The following TTLL9 variants were observed in gnomAD, a reference collection of about 807,000 sequenced individuals.
TTLL9 encodes tubulin tyrosine ligase like 9.
TTLL9 carries 47 observed loss-of-function variants against 65.6 expected under a neutral mutation model. The observed-to-expected ratio is 0.72, with a 90% confidence interval of 0.57 to 0.91. The LOEUF (loss-of-function observed/expected upper bound fraction) is 0.91. TTLL9 is among the 40% of genes least tolerant of loss of function. The probability of loss-of-function intolerance (pLI) is 0.00; values close to 1 mark genes in which losing one functional copy is unlikely to be tolerated. For synonymous variants in TTLL9, 179 were observed against 204.8 expected (o/e 0.87, Z 1.07); for missense variants, 537 against 568.8 (o/e 0.94, Z 0.57).
At chr20:31,923,811 G>GA (rs2063851297) in intron 8 of TTLL9, among the ~76,000 whole-genome samples, 1 of 151,950 alleles carries the variant, frequency 6.6e-6, no homozygotes, top group Non-Finnish European at 1.5e-5. Context: ...CAGCCCCTGG[G>GA]CCTCTTCTCC....
At chr20:31,923,158 C>T (rs2063838736) in intron 8 of TTLL9, 105 bp downstream of exon 8, 1 of 850,494 alleles carries the variant, frequency 1.2e-6, no homozygotes, top group Admixed American at 1.8e-5. Context: ...TGACACCAGG[C>T]ATGAAGGGAT....
intron 12 of TTLL9, among the ~76,000 whole-genome samples, chr20:31,936,048 G>A (rs2064103843): frequency 6.6e-6 from 1 of 152,178 alleles, no homozygotes; most frequent in Admixed American, 6.5e-5. Context: ...CAAGTTGTTA[G>A]AGTAATTTAC....
intron 9 of TTLL9, chr20:31,925,759 A>G (rs927251672): frequency 1.1e-6 from 1 of 904,364 alleles, no homozygotes; most frequent in Non-Finnish European, 1.7e-6. Context: ...GATTTGGGAA[A>G]GACATAAGGG....
chr20:31,925,006 C>T lies in TTLL9; in HGVS notation c.665-3C>T. On this transcript the variant is annotated splice_polypyrimidine_tract_variant and splice_region_variant and intron_variant, in intron 8 of 14. Coordinates refer to ENST00000535842, the MANE Select transcript of TTLL9 (RefSeq NM_001008409.5). ...ACAAATTAATTTTTTCCTTGCCTGA[C>T]AGGCCGCAAGTTTGACCTGCGTGTC... 2 of 1,614,134 alleles carry T rather than the reference C, an allele frequency of 1.2e-6. No homozygotes were observed. The highest frequency in any genetic ancestry group is 1.7e-6 in the Non-Finnish European group (2 of 1,179,994).
intron 3 of TTLL9, among the ~76,000 whole-genome samples, chr20:31,895,656 C>T (rs540756135): frequency 1.3e-5 from 2 of 150,806 alleles, no homozygotes; most frequent in East Asian, 2.0e-4. Flanking sequence ...CCTGCCTCAG[C>T]CTCCCGGGTA....
At chr20:31,871,094 C>T (rs1184565025) in intron 1 of TTLL9, 28 bp from the exon 2 acceptor site, 4 of 1,607,358 alleles carry the variant, frequency 2.5e-6, no homozygotes, top group Non-Finnish European at 3.4e-6. Context: ...TCCTCTCACT[C>T]CTTCCTTCCA....
At chr20:31,881,602 CTTTT>C (rs5841092) in intron 2 of TTLL9, among the ~76,000 whole-genome samples, 1 of 125,256 alleles carries the variant, frequency 8.0e-6, no homozygotes, top group Middle Eastern at 4.1e-3. Flanking sequence ...ACACATATAA[CTTTT>C]TTTTTTTTTT....
chr20:31,873,686 GAA>G (rs1491521882), intron 2 of TTLL9, among the ~76,000 whole-genome samples: 1,629 of 27,166 alleles, frequency 0.06, 29 homozygotes, highest in African/African-American at 0.16. Context: ...GAGAGAGAGA[GAA>G]AGAAAGAAAG....
chr20:31,914,084 G>C (rs149858293), intron 6 of TTLL9, among the ~76,000 whole-genome samples: 131 of 152,346 alleles, frequency 8.6e-4, no homozygotes, highest in Non-Finnish European at 1.5e-3. Context: ...GGCAACCAGG[G>C]GGCTGTTCTC....
At chr20:31,921,837 G>A (rs144668479) in intron 7 of TTLL9, among the ~76,000 whole-genome samples, 1 of 152,112 alleles carries the variant, frequency 6.6e-6, no homozygotes, top group East Asian at 1.9e-4. Context: ...GTGGAAGGAG[G>A]GGGGAGGGAT....
At chr20:31,890,130 C>T (rs1347647205) in intron 3 of TTLL9, among the ~76,000 whole-genome samples, 4 of 60,982 alleles carry the variant, frequency 6.6e-5, no homozygotes, top group African/African-American at 2.3e-4. Context: ...TCCTTCCTTC[C>T]TTCCTTCCTT....
At chr20:31,877,728 G>A (rs2063056313) in intron 2 of TTLL9, among the ~76,000 whole-genome samples, 3 of 152,138 alleles carry the variant, frequency 2.0e-5, no homozygotes, top group African/African-American at 7.2e-5. Context: ...ACTCTCTCCT[G>A]TGTCTGTTTT....
At chr20:31,912,332 A>G (rs1287321951) in intron 6 of TTLL9, among the ~76,000 whole-genome samples, 1 of 152,038 alleles carries the variant, frequency 6.6e-6, no homozygotes, top group African/African-American at 2.4e-5. Context: ...GGGCCTGGGA[A>G]CCTGCATTTC....
chr20:31,908,819 A>ACTTCCCACTCGGC, intron 5 of TTLL9, 117 bp downstream of exon 5: 2 of 837,104 alleles, frequency 2.4e-6, no homozygotes, highest in African/African-American at 1.7e-5. Flanking sequence ...TGCAACGCCG[A>ACTTCCCACTCGGC]GTGGGAAGTC....
At chr20:31,916,424 A>G (rs1249086626) in intron 6 of TTLL9, among the ~76,000 whole-genome samples, 1 of 152,206 alleles carries the variant, frequency 6.6e-6, no homozygotes, top group Non-Finnish European at 1.5e-5. Flanking sequence ...TTTCCATCTC[A>G]TCAGCCCCGA....
At chr20:31,939,386 C>T in intron 14 of TTLL9, 120 bp downstream of exon 14, 1 of 1,215,972 alleles carries the variant, frequency 8.2e-7, no homozygotes, top group Non-Finnish European at 1.1e-6. Flanking sequence ...AACTTACCAG[C>T]TGTGTGACCT....
At chr20:31,942,768 T>C (rs2064234720) in intron 14 of TTLL9, among the ~76,000 whole-genome samples, 177 bp from the exon 15 acceptor site, 1 of 152,102 alleles carries the variant, frequency 6.6e-6, no homozygotes, top group East Asian at 1.9e-4. Flanking sequence ...CTGAAAAGGG[T>C]AACTGACCTG....
chr20:31,908,052 G>A (rs2063585826), intron 4 of TTLL9, among the ~76,000 whole-genome samples: 2 of 152,178 alleles, frequency 1.3e-5, no homozygotes, highest in African/African-American at 2.4e-5. Context: ...TCCTGCTGCT[G>A]CCATGTCCTC....
chr20:31,870,674 T>C lies in TTLL9; in HGVS notation c.-281T>C. ...CGGCCCGCGGGACAACGGCAGTTTG[T>C]TGGGGCCGCGTGGGGCCGCCACCTC... is the stretch of plus-strand genomic sequence containing the variant. On this transcript the variant is annotated 5_prime_UTR_variant, in exon 1 of 15. Transcript: ENST00000535842. The surrounding 1 kb of genome is among the most constrained non-coding windows in gnomAD (Gnocchi z 6.6). 8.6e-7 allele frequency: 1 copy of C among 1,162,112 alleles called. No individual in the cohort carries two copies. The highest frequency in any genetic ancestry group is 1.1e-6 in the Non-Finnish European group (1 of 905,552). 72.0% of individuals were successfully genotyped at this position (1,162,112 alleles called of 1,614,324 possible). A position where few individuals can be genotyped will look rare whatever the true frequency, so the allele number is the denominator to read the frequency against.
Sources: gnomAD v4.1 joint callset for allele counts (sites outside exome capture counted in the v4.1 genomes callset) on GRCh38, gnomAD v4.1.1 for gene constraint, Gnocchi (gnomAD v3.1) non-coding constraint, MANE v1.5 for transcripts, NCBI Gene and HGNC (gene_info 2026-07-23, HGNC 2026-07-21) for gene names.